CSMD2: variants seen among roughly 807,000 people sequenced by gnomAD.
CSMD2 encodes the protein CUB and Sushi multiple domains 2.
CSMD2 carries 130 observed loss-of-function variants against 398.5 expected under a neutral mutation model. The ratio of observed to expected loss-of-function variants is 0.33; its 90% CI spans 0.28 to 0.38. The LOEUF (loss-of-function observed/expected upper bound fraction) is 0.38, where lower values mean the gene tolerates loss of function less well. Ranked by LOEUF, CSMD2 falls within the 10% of genes least tolerant of loss-of-function variation. The pLI is 1.00. For synonymous variants in CSMD2, 1,828 were observed against 1,908.5 expected, an observed-to-expected ratio of 0.96 and a Z score of 1.10; for missense variants, 3,829 against 4,764.9, an observed-to-expected ratio of 0.80 and a Z score of 5.78.
rs577906751 is a variant in CSMD2 at position 34,075,093 on chromosome 1, T to C, written c.404+13884A>G. ...GATACCTGGCATTCCTGTTAGGCAT[T>C]CAATAAATGTAGAATAAATTACCAT... On this transcript the variant is annotated intron_variant, in intron 2 of 70. Coordinates refer to ENST00000373381, the MANE Select transcript of CSMD2 (RefSeq NM_001281956.2). 7.9e-5 allele frequency among the ~76,000 whole-genome samples: 12 copies of C among 152,372 alleles called. No homozygotes were observed. The South Asian group carries it at 2.5e-3, about 32-fold the overall frequency.
At chr1:33,561,642 C>G (rs1038800614) in intron 53 of CSMD2, among the ~76,000 whole-genome samples, 4 of 152,170 alleles carry the variant, frequency 2.6e-5, no homozygotes, top group Admixed American at 1.3e-4. Flanking sequence ...ACCCAGTGGG[C>G]TGGTGCTGAG....
At chr1:34,037,280 T>C (rs1651261834) in intron 2 of CSMD2, among the ~76,000 whole-genome samples, 2 of 152,018 alleles carry the variant, frequency 1.3e-5, no homozygotes, top group African/African-American at 4.8e-5. Flanking sequence ...TCCTATCCAC[T>C]CCAGCCTGTA....
intron 15 of CSMD2, 23 bp from the exon 16 acceptor site, chr1:33,726,708 G>T: frequency 1.3e-6 from 2 of 1,596,394 alleles, no homozygotes; most frequent in Non-Finnish European, 1.7e-6. Flanking sequence ...AAGGAAGAGA[G>T]GCAGCTTTCT....
At chr1:34,020,758 G>GCCTC (rs1489284427) in intron 3 of CSMD2, among the ~76,000 whole-genome samples, 1 of 152,136 alleles carries the variant, frequency 6.6e-6, no homozygotes, top group East Asian at 1.9e-4. Context: ...GGATCCTAAG[G>GCCTC]CCTTGCTCAC....
intron 66 of CSMD2, 77 bp from the exon 67 acceptor site, chr1:33,523,496 G>C (rs560050966): frequency 5.1e-5 from 35 of 687,350 alleles, no homozygotes; most frequent in Non-Finnish European, 8.1e-5. Flanking sequence ...GTTTGTGGGT[G>C]TAAGTTTCTG....
chr1:33,518,489 G>T lies in CSMD2; in HGVS notation c.*53+976C>A, dbSNP rs1259723843. Among the ~76,000 whole-genome samples the T allele has an allele frequency of 2.0e-5, 3 of 152,152 alleles. No individual in the cohort carries two copies. The highest frequency in any genetic ancestry group is 4.4e-5 in the Non-Finnish European group (3 of 68,022). ...CTCCCCTCTGTTGTGCTCAATGTGG[G>T]GAATTTTGTAAGTAAACCTGCCTAG... On this transcript the variant is annotated intron_variant, in intron 70 of 70. Transcript: ENST00000373381. The surrounding 1 kb of genome is among the most constrained non-coding windows in gnomAD (Gnocchi z 4.3).
At chr1:34,109,483 G>A (rs1660834830) in intron 1 of CSMD2, among the ~76,000 whole-genome samples, 1 of 152,180 alleles carries the variant, frequency 6.6e-6, no homozygotes, top group Admixed American at 6.5e-5. Flanking sequence ...TGCCAATCCA[G>A]AATGGTATTG....
At chr1:33,611,495 T>C (rs1570939082) in intron 40 of CSMD2, among the ~76,000 whole-genome samples, 1 of 152,232 alleles carries the variant, frequency 6.6e-6, no homozygotes, top group African/African-American at 2.4e-5. Flanking sequence ...AGAGCTCCAC[T>C]GGAGTTCATT....
chr1:33,997,351 G>A (rs897924393), intron 3 of CSMD2, among the ~76,000 whole-genome samples: 7 of 152,220 alleles, frequency 4.6e-5, no homozygotes, highest in Non-Finnish European at 1.0e-4. Flanking sequence ...GCGGGTCCCT[G>A]CGGGTGCCTG....
chr1:33,991,623 AG>A (rs1357221814), intron 3 of CSMD2, among the ~76,000 whole-genome samples: 7 of 152,162 alleles, frequency 4.6e-5, no homozygotes. Context: ...CCTGAAAGGG[AG>A]CCAAAGGAAG....
At chr1:34,025,864 C>A (rs1649580367) in intron 3 of CSMD2, among the ~76,000 whole-genome samples, 1 of 152,186 alleles carries the variant, frequency 6.6e-6, no homozygotes, top group African/African-American at 2.4e-5. Flanking sequence ...AAGCCACCGT[C>A]TGGCTGTAAA....
At chr1:33,596,597 C>T (rs978398245) in intron 44 of CSMD2, among the ~76,000 whole-genome samples, 10 of 152,138 alleles carry the variant, frequency 6.6e-5, no homozygotes, top group African/African-American at 1.9e-4. Flanking sequence ...GAAGCAAACA[C>T]GTCTTTCTTC....
At chr1:33,567,922 C>CT in intron 52 of CSMD2, 81 bp from the exon 53 acceptor site, 1 of 1,473,174 alleles carries the variant, frequency 6.8e-7, no homozygotes, top group South Asian at 1.3e-5. Flanking sequence ...GAGTAGCAAT[C>CT]TAGGAGTGAC....
chr1:33,698,970 G>A (rs754455737), intron 23 of CSMD2, 26 bp from the exon 24 acceptor site: 77 of 1,587,180 alleles, frequency 4.9e-5, no homozygotes, highest in Non-Finnish European at 6.3e-5. Flanking sequence ...GAGGTAGAGT[G>A]AGTAAGACCT....
At chr1:33,862,117 T>G (rs180945975) in intron 5 of CSMD2, 27 of 152,260 alleles carry the variant, frequency 1.8e-4, no homozygotes, top group African/African-American at 6.5e-4. Flanking sequence ...CAGCATTGAT[T>G]TAGGAAGCCA....
rs1265077991 is a variant in CSMD2, at chr1:33,633,376, T to G, written c.5200+46A>C. ...GCCTCCTTCCTTTAGCCGGACGTGATGCCCCCGGCCCACAACCATCCCCAC... is the reference window on the plus strand; with the variant it reads ...GCCTCCTTCCTTTAGCCGGACGTGAGGCCCCCGGCCCACAACCATCCCCAC... On this transcript the variant is annotated intron_variant, in intron 32 of 70. Transcript: ENST00000373381. This position sits in a 1 kb window ranked among gnomAD's most constrained non-coding sequence, Gnocchi z 5.0. The G allele has an allele frequency of 4.3e-6, 6 of 1,406,640 alleles. No individual in the cohort carries two copies. The highest frequency in any genetic ancestry group is 5.9e-6 in the Non-Finnish European group (6 of 1,016,420). The allele number at this position is 1,406,640 out of a possible 1,614,324, so 87.1% of individuals were successfully genotyped here.
chr1:34,008,471 C>G (rs1035259686), intron 3 of CSMD2, among the ~76,000 whole-genome samples: 3 of 152,160 alleles, frequency 2.0e-5, no homozygotes, highest in Non-Finnish European at 4.4e-5. Flanking sequence ...ATACAAAGAA[C>G]TGCTAGGTCT....
At chr1:33,686,269 T>A (rs918736234) in intron 25 of CSMD2, among the ~76,000 whole-genome samples, 8 of 152,180 alleles carry the variant, frequency 5.3e-5, no homozygotes, top group Non-Finnish European at 1.0e-4. Flanking sequence ...ACCCTCCAGC[T>A]CAACACCAGA....
intron 1 of CSMD2, among the ~76,000 whole-genome samples, chr1:34,134,330 G>C (rs1455628268): frequency 1.3e-5 from 2 of 152,174 alleles, no homozygotes; most frequent in Non-Finnish European, 2.9e-5. Context: ...GACAGGCCTA[G>C]GGGATAAAGA....
Sources: allele counts gnomAD v4.1 joint callset (sites outside exome capture counted in the v4.1 genomes callset), GRCh38; gene constraint gnomAD v4.1.1; non-coding constraint Gnocchi (gnomAD v3.1); transcripts MANE v1.5; gene names NCBI Gene and HGNC (gene_info 2026-07-23, HGNC 2026-07-21).